SAMSN1: variants seen among roughly 807,000 people sequenced by gnomAD.
The protein encoded by SAMSN1 is SAM domain-containing protein SAMSN-1.
SAMSN1 carries 31 observed loss-of-function variants against 42.0 expected under a neutral mutation model. The observed-to-expected ratio is 0.74, with a 90% confidence interval of 0.55 to 1.00. The LOEUF (loss-of-function observed/expected upper bound fraction) is 1.00, where lower values mean the gene tolerates loss of function less well. Ranked by LOEUF, SAMSN1 falls within the 50% of genes least tolerant of loss-of-function variation. The pLI, the probability that SAMSN1 is intolerant of heterozygous loss-of-function variation, is 0.00. For missense variants in SAMSN1, 464 were observed against 439.4 expected (o/e 1.06, Z -0.50); for synonymous variants, 178 against 151.9 (o/e 1.17, Z -1.26).
chr21:14,519,548 A>G (rs932808702), intron 2 of SAMSN1, among the ~76,000 whole-genome samples: 6 of 152,084 alleles, frequency 3.9e-5, no homozygotes, highest in African/African-American at 1.4e-4. Context: ...GGAGATTTAT[A>G]TGTATATATT....
At chr21:14,571,116 G>A (rs1410154643) in intron 2 of SAMSN1, among the ~76,000 whole-genome samples, 1 of 152,132 alleles carries the variant, frequency 6.6e-6, no homozygotes, top group Non-Finnish European at 1.5e-5. Context: ...ACAGAACCAT[G>A]TAACAATCAT....
rs187854729 is a variant in SAMSN1, at chr21:14,644,247, G to A, written c.25-1114C>T. 1.1e-4 allele frequency among the ~76,000 whole-genome samples: 16 copies of A among 152,182 alleles called. No homozygotes were observed. In the East Asian group the frequency reaches 3.1e-3, roughly 30 times the overall value. The stretch of plus-strand genomic sequence containing the variant: ...CTAACCCTAGGCTGCATATCTTGAG[G>A]CTCCAAAAGAGACCCCTTCCTTCTG... On this transcript the variant is annotated intron_variant, in intron 1 of 15. Transcript: ENST00000647101.
chr21:14,594,161 A>C, intron 6 of SAMSN1: 1 of 613,796 alleles, frequency 1.6e-6, no homozygotes, highest in Non-Finnish European at 3.0e-6. Context: ...CAAAGCTACC[A>C]AACTAATTGG....
upstream of SAMSN1, chr21:14,583,640 T>A: frequency 1.4e-6 from 1 of 717,122 alleles, no homozygotes; most frequent in South Asian, 1.5e-5. Context: ...CTTATTGAGT[T>A]CTTACTTACG....
intron 1 of SAMSN1, among the ~76,000 whole-genome samples, chr21:14,539,322 G>A (rs1979845921): frequency 1.3e-5 from 2 of 152,140 alleles, no homozygotes; most frequent in South Asian, 4.1e-4. Context: ...GAAATAAAGG[G>A]TATTCAATTA....
intron 5 of SAMSN1, among the ~76,000 whole-genome samples, chr21:14,608,440 G>C (rs1180875150): frequency 6.6e-6 from 1 of 152,162 alleles, no homozygotes; most frequent in African/African-American, 2.4e-5. Context: ...ATTCTGACTA[G>C]CCCCTCCACA....
intron 2 of SAMSN1, among the ~76,000 whole-genome samples, chr21:14,556,573 G>A (rs1320794809): frequency 6.6e-6 from 1 of 152,110 alleles, no homozygotes; most frequent in Non-Finnish European, 1.5e-5. Context: ...AACATAAAGG[G>A]TAATAAAAGA....
chr21:14,591,293 T>A (rs1328538914), intron 7 of SAMSN1: 1 of 152,202 alleles, frequency 6.6e-6, no homozygotes, highest in African/African-American at 2.4e-5. Flanking sequence ...CTGGAAGGCT[T>A]ATAAGACATT....
intron 2 of SAMSN1, among the ~76,000 whole-genome samples, chr21:14,617,584 C>T (rs1186656350): frequency 6.6e-6 from 1 of 152,160 alleles, no homozygotes; most frequent in Non-Finnish European, 1.5e-5. Context: ...TAGTCAAAAT[C>T]CATCATCCTG....
intron 2 of SAMSN1, among the ~76,000 whole-genome samples, chr21:14,566,959 A>G (rs1486582121): frequency 6.6e-6 from 1 of 152,154 alleles, no homozygotes; most frequent in Non-Finnish European, 1.5e-5. Context: ...ATCATGACCA[A>G]ACAATATTGG....
chr21:14,649,495 T>C (rs1052740496), intron 1 of SAMSN1, among the ~76,000 whole-genome samples: 2 of 151,718 alleles, frequency 1.3e-5, no homozygotes, highest in East Asian at 3.9e-4. Context: ...ACTGGCTGGG[T>C]GCAGTGGGTC....
chr21:14,527,591 A>G (rs1978948920), intron 1 of SAMSN1, among the ~76,000 whole-genome samples: 1 of 152,124 alleles, frequency 6.6e-6, no homozygotes, highest in Non-Finnish European at 1.5e-5. Context: ...TTTTCTATCA[A>G]CTGCAAAATA....
chr21:14,511,999 G>A (rs970508114), intron 4 of SAMSN1, among the ~76,000 whole-genome samples: 17 of 152,078 alleles, frequency 1.1e-4, no homozygotes, highest in Admixed American at 1.1e-3. Flanking sequence ...AAGGAAAGTG[G>A]TCGGGGGAGA....
At chr21:14,570,423 T>C (rs1433868054) in intron 2 of SAMSN1, among the ~76,000 whole-genome samples, 1 of 152,182 alleles carries the variant, frequency 6.6e-6, no homozygotes, top group Non-Finnish European at 1.5e-5. Flanking sequence ...TGGATGACAT[T>C]TCCTTATCCA....
chr21:14,507,052 A>G (rs1987444773), intron 5 of SAMSN1, among the ~76,000 whole-genome samples: 1 of 152,214 alleles, frequency 6.6e-6, no homozygotes, highest in African/African-American at 2.4e-5. Flanking sequence ...CAATATAATA[A>G]AAGCCATCTA....
intron 5 of SAMSN1, among the ~76,000 whole-genome samples, chr21:14,606,727 T>A (rs1982580255): frequency 6.6e-6 from 1 of 152,210 alleles, no homozygotes; most frequent in South Asian, 2.1e-4. Context: ...TGTAGTCTCT[T>A]TTAATAGAAC....
At chr21:14,577,506 A>G (rs74583304) in intron 2 of SAMSN1, among the ~76,000 whole-genome samples, 5,276 of 151,828 alleles carry the variant, frequency 0.035, 222 homozygotes, top group African/African-American at 0.1. Flanking sequence ...TTATAAAAAC[A>G]TATGAAAGGA....
intron 1 of SAMSN1, among the ~76,000 whole-genome samples, chr21:14,654,653 A>G (rs1326223288): frequency 6.6e-6 from 1 of 152,010 alleles, no homozygotes; most frequent in African/African-American, 2.4e-5. Flanking sequence ...AGAGAAGCAA[A>G]ATTTAACAAC....
upstream of SAMSN1, among the ~76,000 whole-genome samples, chr21:14,549,652 C>A (rs1465640884): frequency 6.6e-6 from 1 of 152,086 alleles, no homozygotes; most frequent in Non-Finnish European, 1.5e-5. Flanking sequence ...CATCACAGAA[C>A]CCAACTCTGA....
Sources: allele counts gnomAD v4.1 joint callset (sites outside exome capture counted in the v4.1 genomes callset), GRCh38; gene constraint gnomAD v4.1.1; transcripts MANE v1.5; gene names NCBI Gene and HGNC (gene_info 2026-07-23, HGNC 2026-07-21).